JAM3: variants seen among roughly 807,000 people sequenced by gnomAD.
The protein encoded by JAM3 is junctional adhesion molecule C.
In JAM3, 31 loss-of-function variants were observed where a neutral mutation model predicts 39.4. The observed-to-expected ratio is 0.79, with a 90% CI of 0.59 to 1.06. The LOEUF (loss-of-function observed/expected upper bound fraction) is 1.06, where lower values mean the gene tolerates loss of function less well. Among genes scored for constraint, JAM3 ranks in the 50% least tolerant of loss-of-function variants. The probability of loss-of-function intolerance (pLI) is 0.00; values close to 1 mark genes in which losing one functional copy is unlikely to be tolerated. For synonymous variants in JAM3, 182 were observed against 148.7 expected (o/e 1.22, Z -1.63); for missense variants, 455 against 391.4 (o/e 1.16, Z -1.37).
intron 1 of JAM3, among the ~76,000 whole-genome samples, chr11:134,098,662 C>T (rs919774624): frequency 6.6e-6 from 1 of 152,142 alleles, no homozygotes; most frequent in South Asian, 2.1e-4. Context: ...GTACACTGAA[C>T]TCATGAATTA....
intron 1 of JAM3, among the ~76,000 whole-genome samples, chr11:134,125,046 G>A (rs536656298): frequency 1.3e-5 from 2 of 152,272 alleles, no homozygotes; most frequent in East Asian, 1.9e-4. Flanking sequence ...GCGTCTCCAC[G>A]AGTCTGTCTT....
At chr11:134,106,328 C>A (rs1236318449) in intron 1 of JAM3, among the ~76,000 whole-genome samples, 4 of 151,910 alleles carry the variant, frequency 2.6e-5, no homozygotes, top group Non-Finnish European at 5.9e-5. Context: ...CTTCCTTACA[C>A]CTTATACAAA....
chr11:134,100,547 G>A (rs1292489323), intron 1 of JAM3, among the ~76,000 whole-genome samples: 1 of 152,148 alleles, frequency 6.6e-6, no homozygotes, highest in Non-Finnish European at 1.5e-5. Context: ...TCTGAGTCCT[G>A]TTTCCCAACT....
At position 134,124,181 on chromosome 11, in the gene JAM3, C is replaced by T. The variant is rs917760902; in HGVS notation, c.77-15670C>T. 1.2e-4 allele frequency: 170 copies of T among 1,460,736 alleles called. 3 individuals carry two copies. The highest frequency in any genetic ancestry group is 8.4e-4 in the South Asian group (74 of 87,924). The allele number at this position is 1,460,736 out of a possible 1,614,324, so 90.5% of individuals were successfully genotyped here. ...CTTTTTCAACTGGAGCTTTATCATA[C>T]GTAGCATCACAAACTCGAACCAAAG... On this transcript the variant is annotated intron_variant, in intron 1 of 8. Transcript: ENST00000299106.
chr11:134,085,263 G>A (rs116904936), intron 1 of JAM3, among the ~76,000 whole-genome samples: 1 of 152,228 alleles, frequency 6.6e-6, no homozygotes, highest in Non-Finnish European at 1.5e-5. Flanking sequence ...TGCATGATTT[G>A]CAATAATGAA....
chr11:134,088,714 C>G (rs986396458), intron 1 of JAM3, among the ~76,000 whole-genome samples: 1 of 148,530 alleles, frequency 6.7e-6, no homozygotes, highest in Non-Finnish European at 1.5e-5. Flanking sequence ...GCCACAAAGA[C>G]AGTAAAATGT....
intron 1 of JAM3, among the ~76,000 whole-genome samples, chr11:134,107,574 C>G (rs1942219818): frequency 6.6e-6 from 1 of 151,918 alleles, no homozygotes; most frequent in African/African-American, 2.4e-5. Context: ...AAAGCAGTAA[C>G]TAGGGTGAAA....
chr11:134,098,844 C>T (rs149550994), intron 1 of JAM3, among the ~76,000 whole-genome samples: 1,544 of 152,250 alleles, frequency 0.01, 22 homozygotes, highest in African/African-American at 0.033. Context: ...AACATTCACA[C>T]TGATACTCCA....
chr11:134,070,183 G>A (rs910717630), intron 1 of JAM3: 1 of 456,128 alleles, frequency 2.2e-6, no homozygotes, highest in African/African-American at 2.0e-5. Flanking sequence ...GTCAAGTCTA[G>A]TCTGCTTTCC....
chr11:134,106,333 T>C (rs1361574794), intron 1 of JAM3, among the ~76,000 whole-genome samples: 4 of 152,080 alleles, frequency 2.6e-5, no homozygotes, highest in Admixed American at 6.6e-5. Flanking sequence ...TTACACCTTA[T>C]ACAAAAATTA....
intron 1 of JAM3, among the ~76,000 whole-genome samples, chr11:134,110,992 G>A (rs779037066): frequency 4.0e-5 from 6 of 151,858 alleles, no homozygotes; most frequent in Non-Finnish European, 5.9e-5. Flanking sequence ...TAGATATGGA[G>A]GTATTCTCTC....
intron 1 of JAM3, chr11:134,123,842 C>T (rs1655669596): frequency 1.3e-6 from 1 of 792,016 alleles, no homozygotes; most frequent in Non-Finnish European, 2.3e-6. Context: ...CACAGCAGTG[C>T]CCGTTGGTAT....
At chr11:134,085,678 T>C (rs1941736321) in intron 1 of JAM3, among the ~76,000 whole-genome samples, 1 of 152,250 alleles carries the variant, frequency 6.6e-6, no homozygotes, top group Non-Finnish European at 1.5e-5. Context: ...AAATCTTTAA[T>C]GGCAATATGC....
intron 6 of JAM3, chr11:134,147,651 C>G (rs886695604): frequency 1.3e-5 from 2 of 151,566 alleles, no homozygotes; most frequent in Admixed American, 1.3e-4. Context: ...CACGCTCAGC[C>G]AATTTTTTGT....
chr11:134,114,698 G>C (rs752070008), intron 1 of JAM3, among the ~76,000 whole-genome samples: 1 of 152,082 alleles, frequency 6.6e-6, no homozygotes. Flanking sequence ...TTTCACTGTG[G>C]TCAGAAAACA....
chr11:134,150,525 C>T lies in JAM3; in HGVS notation c.*1344C>T, dbSNP rs537230334. The T allele has an allele frequency of 8.5e-5, 13 of 152,398 alleles. No individual in the cohort carries two copies. Among genetic ancestry groups the T allele is most frequent in the Non-Finnish European group, 8.8e-5 (6 of 68,046 alleles). 9.4% of individuals were successfully genotyped at this position (152,398 alleles called of 1,614,324 possible). On this transcript the variant is annotated 3_prime_UTR_variant, in exon 9 of 9. Transcript: ENST00000299106. ...GGCCCTTGCTTCATCCAGCACAGCT[C>T]TCAGGTGGGCACTGCAGGGACACTG...
intron 1 of JAM3, among the ~76,000 whole-genome samples, chr11:134,087,975 C>T (rs1311672441): frequency 6.6e-6 from 1 of 152,158 alleles, no homozygotes; most frequent in Non-Finnish European, 1.5e-5. Context: ...CCAGTTATGG[C>T]AGCCAAAGAT....
chr11:134,100,198 C>G (rs1366118761), intron 1 of JAM3, among the ~76,000 whole-genome samples: 2 of 152,126 alleles, frequency 1.3e-5, no homozygotes, highest in African/African-American at 2.4e-5. Context: ...GTTCCTATCT[C>G]TAGGTCTTCA....
At chr11:134,097,001 T>A (rs1046530045) in intron 1 of JAM3, among the ~76,000 whole-genome samples, 2 of 152,004 alleles carry the variant, frequency 1.3e-5, no homozygotes, top group African/African-American at 4.8e-5. Flanking sequence ...CCAGAGAGAG[T>A]GCAGTGGTGG....
Sources: gnomAD v4.1 joint callset for allele counts (sites outside exome capture counted in the v4.1 genomes callset) on GRCh38, gnomAD v4.1.1 for gene constraint, MANE v1.5 for transcripts, NCBI Gene and HGNC (gene_info 2026-07-23, HGNC 2026-07-21) for gene names.